Variants in SP100 observed in about 807,000 individuals in gnomAD.
The protein encoded by SP100 is SP100 nuclear body protein, also known as nuclear autoantigen Sp-100.
SP100 carries 84 observed loss-of-function variants against 130.0 expected under a neutral mutation model. The observed-to-expected ratio is 0.65, with a 90% CI of 0.54 to 0.77. SP100 has a LOEUF of 0.77. Among genes scored for constraint, SP100 ranks in the 30% least tolerant of loss-of-function variants. SP100 has a pLI of 0.00. For synonymous variants in SP100, 331 were observed against 351.7 expected, an observed-to-expected ratio of 0.94 and a Z score of 0.66; for missense variants, 978 against 1,052.2, an observed-to-expected ratio of 0.93 and a Z score of 0.97.
chr2:230,469,052 C>T lies in SP100; in HGVS notation c.1301C>T (p.Thr434Ile), dbSNP rs1575675936. 5.0e-6 allele frequency: 8 copies of T among 1,593,606 alleles called. No homozygotes were observed. In the East Asian group the frequency reaches 1.8e-4, roughly 36 times the overall value. Residue 434 changes from threonine (T) to isoleucine (I), a missense_variant, in exon 14 of 29, where the codon ACT becomes ATT. Thr to Ile is a moderately conservative substitution (Grantham distance 89). Transcript: ENST00000340126. The part of the protein sequence containing the change: ...RSKHGEKAPM[T>I]SRSTSTWRIP... ...TTCCTTTACTTTCTAGCTCCTATGA[C>T]TTCTAGAAGTACATCTACTTGGAGA... is the stretch of plus-strand genomic sequence containing the variant.
chr2:230,498,628 G>A, intron 19 of SP100, 93 bp downstream of exon 19: 1 of 615,766 alleles, frequency 1.6e-6, no homozygotes, highest in Non-Finnish European at 2.5e-6. Context: ...TTATGTAGCT[G>A]TACTTACTGT....
intron 24 of SP100, among the ~76,000 whole-genome samples, chr2:230,530,385 A>G (rs1265663152): frequency 6.6e-6 from 1 of 152,244 alleles, no homozygotes; most frequent in Non-Finnish European, 1.5e-5. Context: ...ATATGTAGAA[A>G]GCTGAAACTG....
intron 2 of SP100, among the ~76,000 whole-genome samples, chr2:230,425,374 G>A (rs1396083922): frequency 2.1e-5 from 3 of 143,082 alleles, no homozygotes; most frequent in Non-Finnish European, 3.1e-5. Flanking sequence ...TAGATTCCTC[G>A]GTCTGAATCT....
intron 17 of SP100, among the ~76,000 whole-genome samples, chr2:230,486,808 T>G (rs541149146): frequency 6.6e-6 from 1 of 152,290 alleles, no homozygotes; most frequent in African/African-American, 2.4e-5. Context: ...TGTAAAAGTG[T>G]TCCTATTTAT....
chr2:230,512,433 G>T (rs1690668668), intron 24 of SP100, among the ~76,000 whole-genome samples: 1 of 151,986 alleles, frequency 6.6e-6, no homozygotes, highest in South Asian at 2.1e-4. Context: ...GGGACTACAG[G>T]TGTGTGCCAC....
chr2:230,449,697 G>T lies in SP100; in HGVS notation c.723G>T (p.Lys241Asn). The stretch of plus-strand genomic sequence containing the variant: ...AAACAAATGAACAATGTGCTCAAAA[G>T]GCTGAGCCAACAGGTAAGACTGACT... ...SQQTNEQCAQ[K>N]AEPTESCEQI... Residue 241 changes from lysine (K) to asparagine (N), a missense_variant, in exon 7 of 29, where the codon AAG (lysine) becomes AAT (asparagine). Coordinates refer to ENST00000340126, the MANE Select transcript of SP100 (RefSeq NM_001080391.2). 1.9e-6 allele frequency: 3 copies of T among 1,614,154 alleles called. No homozygotes were observed. The highest frequency in any genetic ancestry group is 2.5e-6 in the Non-Finnish European group (3 of 1,180,016).
chr2:230,436,964 ATATATAT>A lies in SP100; in HGVS notation c.108-5972_108-5966del, dbSNP rs1559486725. On this transcript the variant is annotated intron_variant, in intron 2 of 28. Transcript: ENST00000340126. ...CACGCATATATGTGTATACACACAC[ATATATAT>A]GTGTATACACACACATATATATGTG... is the stretch of plus-strand genomic sequence containing the variant. Among the ~76,000 whole-genome samples, 653 of 97,588 alleles carry A rather than the reference ATATATAT, an allele frequency of 6.7e-3. 3 individuals carry two copies. Among genetic ancestry groups the A allele is most frequent in the Non-Finnish European group, 9.8e-3 (454 of 46,406 alleles). The allele number at this position is 97,588 out of a possible 152,430, so 64.0% of individuals were successfully genotyped here.
chr2:230,436,314 T>G (rs1218783501), intron 2 of SP100, among the ~76,000 whole-genome samples: 1 of 152,196 alleles, frequency 6.6e-6, no homozygotes, highest in Non-Finnish European at 1.5e-5. Context: ...CTATTCATAC[T>G]CTCATATGGT....
rs149639593 is a variant in SP100 at position 230,448,538 on chromosome 2, T to A, written c.524-550T>A. ...TCCTAACCCTGTGCTATCCAGGCAA[T>A]CTAAAAAAATAAAAACAGAAAAATG... On this transcript the variant is annotated intron_variant, in intron 5 of 28. Coordinates refer to ENST00000340126, the MANE Select transcript of SP100 (RefSeq NM_001080391.2). Among the ~76,000 whole-genome samples the A allele has an allele frequency of 9.2e-3, 1,401 of 151,676 alleles. 23 individuals are homozygous for A. The highest frequency in any genetic ancestry group is 0.033 in the African/African-American group (1,342 of 41,288).
rs1308525979 is a variant in SP100, at chr2:230,472,372, G to A, written c.1430-952G>A. ...GAACCTTGGAGGCAGGTCTTGCAGTGAACCAAGATCGCACCACTGCACTCC... is the reference window on the plus strand; with the variant it reads ...GAACCTTGGAGGCAGGTCTTGCAGTAAACCAAGATCGCACCACTGCACTCC... On this transcript the variant is annotated intron_variant, in intron 15 of 28. Transcript: ENST00000340126. Among the ~76,000 whole-genome samples, 6 of 131,440 alleles carry A rather than the reference G, an allele frequency of 4.6e-5. No homozygotes were observed. The Admixed American group carries it at 5.4e-4, about 12-fold the overall frequency. The allele number at this position is 131,440 out of a possible 152,430, so 86.2% of individuals were successfully genotyped here. A position where few individuals can be genotyped will look rare whatever the true frequency, so the allele number is the denominator to read the frequency against.
chr2:230,518,567 T>C (rs1387625338), intron 24 of SP100, among the ~76,000 whole-genome samples: 1 of 151,892 alleles, frequency 6.6e-6, no homozygotes, highest in Admixed American at 6.6e-5. Context: ...TGAGCATCTA[T>C]TTTTGAATTT....
intron 2 of SP100, among the ~76,000 whole-genome samples, chr2:230,420,804 A>G (rs2062746289): frequency 6.6e-6 from 1 of 152,182 alleles, no homozygotes; most frequent in Non-Finnish European, 1.5e-5. Context: ...ACTTTCTGCC[A>G]TCTTCCCAGC....
At chr2:230,507,917 G>T in intron 22 of SP100, 76 bp from the exon 23 acceptor site, 6 of 1,303,304 alleles carry the variant, frequency 4.6e-6, no homozygotes, top group Non-Finnish European at 6.5e-6. Context: ...GGAATATTTG[G>T]AAGGCAGTCA....
chr2:230,451,269 G>A (rs564509617), intron 8 of SP100, among the ~76,000 whole-genome samples: 1 of 152,124 alleles, frequency 6.6e-6, no homozygotes, highest in Non-Finnish European at 1.5e-5. Context: ...GTGTACAAAG[G>A]TTCCCTTTTC....
At chr2:230,463,363 A>G (rs1649864) in intron 10 of SP100, among the ~76,000 whole-genome samples, 36,643 of 152,150 alleles carry the variant, frequency 0.24, 5,081 homozygotes, top group Non-Finnish European at 0.32. Flanking sequence ...TTATCATAAC[A>G]TAAGTATGCA....
chr2:230,449,793 A>T (rs73998809), intron 7 of SP100, 83 bp downstream of exon 7: 1 of 1,390,716 alleles, frequency 7.2e-7, no homozygotes, highest in African/African-American at 1.4e-5. Context: ...TGCACAATAC[A>T]AGGAGACACC....
intron 24 of SP100, chr2:230,515,138 CA>C (rs772502584): frequency 1.7e-4 from 281 of 1,612,394 alleles, no homozygotes; most frequent in Non-Finnish European, 2.3e-4. Context: ...GTCAAGTTCT[CA>C]GAGTTTTTAA....
At chr2:230,479,560 G>C (rs528244157) in intron 17 of SP100, among the ~76,000 whole-genome samples, 3 of 152,186 alleles carry the variant, frequency 2.0e-5, no homozygotes, top group South Asian at 2.1e-4. Context: ...CTGTACTAAA[G>C]ACTCAGTCTT....
chr2:230,437,554 T>A (rs907419667), intron 2 of SP100, among the ~76,000 whole-genome samples: 2 of 152,098 alleles, frequency 1.3e-5, no homozygotes, highest in Admixed American at 1.3e-4. Context: ...CTTTGTTTTT[T>A]TTGTTTTGTT....
Sources: allele counts gnomAD v4.1 joint callset (sites outside exome capture counted in the v4.1 genomes callset), GRCh38; gene constraint gnomAD v4.1.1; transcripts MANE v1.5; gene names NCBI Gene and HGNC (gene_info 2026-07-23, HGNC 2026-07-21).